GCDH: variants seen among roughly 807,000 people sequenced by gnomAD.
GCDH encodes the protein glutaryl-CoA dehydrogenase, mitochondrial.
In GCDH, 31 loss-of-function variants were observed where a neutral mutation model predicts 52.8. The ratio of observed to expected loss-of-function variants is 0.59; its 90% CI spans 0.44 to 0.79. The LOEUF is 0.79. Among genes scored for constraint, GCDH ranks in the 30% least tolerant of loss-of-function variants. The pLI is 0.00. For synonymous variants in GCDH, 242 were observed against 250.0 expected (o/e 0.97, Z 0.30); for missense variants, 509 against 595.0 (o/e 0.86, Z 1.50).
Position 12,897,817 on chromosome 19 carries a change from C to T in GCDH, c.1197C>T (p.His399=), listed in dbSNP as rs139344943. The change falls in exon 11 of 12, where the codon CAC becomes CAT. Residue 399 remains histidine (H), a synonymous_variant. Coordinates refer to ENST00000222214, the MANE Select transcript of GCDH (RefSeq NM_000159.4). The part of the protein sequence containing the change: ...LGGNGISDEY[H]VIRHAMNLEA... ...GGAATGGGATTTCTGACGAGTATCA[C>T]GTGATCCGGCACGCCATGAACCTGG... The T allele has an allele frequency of 2.3e-4, 379 of 1,613,964 alleles. 3 individuals are homozygous for T. The African/African-American group carries it at 3.9e-3, about 16-fold the overall frequency.
intron 6 of GCDH, among the ~76,000 whole-genome samples, chr19:12,895,115 C>T (rs1025755608): frequency 1.3e-5 from 2 of 152,094 alleles, no homozygotes; most frequent in Non-Finnish European, 2.9e-5. Flanking sequence ...CTCCTCACAC[C>T]CTTCCAGTTT....
At position 12,893,564 on chromosome 19, in the gene GCDH, C is replaced by T. The variant is rs139851890; in HGVS notation, c.416C>T (p.Ser139Leu). 1.4e-5 allele frequency: 23 copies of T among 1,613,716 alleles called. No individual in the cohort carries two copies. The highest frequency in any genetic ancestry group is 8.9e-5 in the East Asian group (4 of 44,894). ...GAGCGGGTGGACAGTGGCTACAGGT[C>T]GGCGATGAGTGTCCAGTCCTCCCTC... ...ELERVDSGYR[S>L]AMSVQSSLVM... Residue 139 changes from serine to leucine, a missense_variant, in exon 6 of 12, where the codon TCG (serine) becomes TTG (leucine). Ser to Leu is a moderately radical substitution (Grantham distance 145). Coordinates refer to ENST00000222214, the MANE Select transcript of GCDH (RefSeq NM_000159.4).
rs1481629456 is a variant in GCDH at position 12,891,177 on chromosome 19, G to C, written c.-60G>C. ...CCTGCGTCAGTTGCACTGTAGCCTC[G>C]GCAGTGAACCGGGAGGTACTACCAG... On this transcript the variant is annotated 5_prime_UTR_variant, in exon 1 of 12. Transcript: ENST00000222214. 7 of 727,050 alleles carry C rather than the reference G, an allele frequency of 9.6e-6. No individual in the cohort carries two copies. Among genetic ancestry groups the C allele is most frequent in the Admixed American group, 8.2e-5 (4 of 49,006 alleles). The allele number at this position is 727,050 out of a possible 1,614,324, so 45.0% of individuals were successfully genotyped here. A position where few individuals can be genotyped will look rare whatever the true frequency, so the allele number is the denominator to read the frequency against.
rs1364648219 is a variant in GCDH, at chr19:12,899,894, C to G, written c.*353C>G. ...AGTTCACAGTGCGCCCTCCCTCCCT[C>G]CCATCTGGGGGTAGTGCCTTATGCT... On this transcript the variant is annotated 3_prime_UTR_variant, in exon 12 of 12. Transcript: ENST00000222214. 8 of 1,584,074 alleles carry G rather than the reference C, an allele frequency of 5.1e-6. No homozygotes were observed. In the Admixed American group the frequency reaches 1.2e-4, roughly 24 times the overall value.
At chr19:12,898,164 G>A (rs567808909) in intron 11 of GCDH, 1 of 444,736 alleles carries the variant, frequency 2.2e-6, no homozygotes, top group South Asian at 2.1e-5. Flanking sequence ...AGGCAGCCCA[G>A]GGGTGAGGCC....
rs1555751240 is a variant in GCDH, at chr19:12,897,735, G to A, written c.1115G>A (p.Arg372Lys). ...CCCGAGATGGTTTCTCTGCTGAAGA[G>A]GAATAACTGTGGGAAAGCCCTGGAC... ...AAPEMVSLLKRNNCGKALDIA... is the reference protein window; with the variant it reads ...AAPEMVSLLKKNNCGKALDIA... The change falls in exon 11 of 12, where the codon AGG becomes AAG. Residue 372 changes from arginine (R) to lysine (K), a missense_variant. Transcript: ENST00000222214. 4 of 1,614,148 alleles carry A rather than the reference G, an allele frequency of 2.5e-6. No individual in the cohort carries two copies. The highest frequency in any genetic ancestry group is 3.4e-6 in the Non-Finnish European group (4 of 1,180,012).
chr19:12,894,143 A>G, intron 6 of GCDH: 6 of 1,526,488 alleles, frequency 3.9e-6, no homozygotes, highest in Non-Finnish European at 5.4e-6. Context: ...ATGAAGCTGA[A>G]CATCTCCTTC....
At chr19:12,894,515 A>G (rs1326900964) in intron 6 of GCDH, 1 of 691,636 alleles carries the variant, frequency 1.4e-6, no homozygotes, top group Non-Finnish European at 2.7e-6. Context: ...GACTGAGACT[A>G]TGATGCCTCG....
At chr19:12,899,114 G>GGGGTGGGGAGAACTTGCCAA (rs1195682553) in intron 11 of GCDH, 1 of 583,964 alleles carries the variant, frequency 1.7e-6, no homozygotes, top group Non-Finnish European at 3.1e-6. Flanking sequence ...TGTGGGGCTG[G>GGGGTGGGGAGAACTTGCCAA]GGGTGGGGAG....
intron 9 of GCDH, 27 bp downstream of exon 9, chr19:12,897,040 C>A: frequency 6.4e-7 from 1 of 1,567,728 alleles, no homozygotes; most frequent in Non-Finnish European, 8.8e-7. Flanking sequence ...GTGAGATTCT[C>A]TGGGGGTGTG....
At chr19:12,899,315 C>A (rs1417243710) in intron 11 of GCDH, 153 bp from the exon 12 acceptor site, 1 of 1,606,436 alleles carries the variant, frequency 6.2e-7, no homozygotes, top group Non-Finnish European at 8.5e-7. Flanking sequence ...GAGACTGTCA[C>A]TAAGGCGTGA....
chr19:12,891,136 T>G, upstream of GCDH: 2 of 635,728 alleles, frequency 3.1e-6, no homozygotes, highest in South Asian at 3.5e-5. Context: ...CTCCCACTTC[T>G]TGCTGAGGTC....
At chr19:12,899,311 G>A (rs561275591) in intron 11 of GCDH, 157 bp from the exon 12 acceptor site, 2 of 1,592,942 alleles carry the variant, frequency 1.3e-6, no homozygotes. Flanking sequence ...CCTGGAGACT[G>A]TCACTAAGGC....
At chr19:12,895,908 C>T (rs1970663849) in intron 6 of GCDH, 84 bp from the exon 7 acceptor site, 3 of 1,547,240 alleles carry the variant, frequency 1.9e-6, no homozygotes, top group African/African-American at 1.4e-5. Flanking sequence ...GCGTGAGCCA[C>T]TGCACCCCGC....
rs373998176 is a variant in GCDH, at chr19:12,896,261, G to C, written c.692G>C (p.Gly231Ala). The C allele has an allele frequency of 6.9e-5, 111 of 1,612,874 alleles. No individual in the cohort carries two copies. The highest frequency in any genetic ancestry group is 9.4e-5 in the Non-Finnish European group (111 of 1,179,628). The change falls in exon 8 of 12, where the codon GGC becomes GCC. Residue 231 changes from glycine to alanine, a missense_variant. By Grantham distance (60) the Gly-to-Ala change is moderately conservative. Coordinates refer to ENST00000222214, the MANE Select transcript of GCDH (RefSeq NM_000159.4). This position sits in a 1 kb window ranked among gnomAD's most constrained non-coding sequence, Gnocchi z 5.5. ...LFVVWARCED[G>A]CIRGFLLEKG... ...GTAGTGTGGGCTCGGTGTGAAGATG[G>C]CTGCATTCGGGGCTTCCTGCTGGAG...
chr19:12,896,079 A>G lies in GCDH; in HGVS notation c.593A>G (p.Asn198Ser), dbSNP rs1337601379. 2 of 1,613,784 alleles carry G rather than the reference A, an allele frequency of 1.2e-6. No homozygotes were observed. Among genetic ancestry groups the G allele is most frequent in the Non-Finnish European group, 8.5e-7 (1 of 1,179,952 alleles). ...AGCATGGAGACCAGAGCCCACTACA[A>G]CTCATCCAACAAGAGCTACACCCTC... ...PSSMETRAHY[N>S]SSNKSYTLNG... Residue 198 changes from asparagine (N) to serine (S), a missense_variant, in exon 7 of 12, where the codon AAC becomes AGC. Asn to Ser is a conservative substitution (Grantham distance 46). Coordinates refer to ENST00000222214, the MANE Select transcript of GCDH (RefSeq NM_000159.4). The surrounding 1 kb of genome is among the most constrained non-coding windows in gnomAD (Gnocchi z 5.5).
In GCDH at chr19:12,899,493, C is replaced by G. The variant is rs1336423127; in HGVS notation, c.1269C>G (p.Ile423Met). The G allele has an allele frequency of 6.2e-7, 1 of 1,614,182 alleles. No individual in the cohort carries two copies. The highest frequency in any genetic ancestry group is 2.2e-5 in the East Asian group (1 of 44,886). Residue 423 changes from isoleucine to methionine, a missense_variant, in exon 12 of 12, where the codon ATC becomes ATG. Ile to Met is a conservative substitution (Grantham distance 10). Coordinates refer to ENST00000222214, the MANE Select transcript of GCDH (RefSeq NM_000159.4). ...GTACACATGACATTCACGCCCTGAT[C>G]CTTGGGAGAGCTATCACGGGAATCC... Reference protein sequence around the residue: ...YEGTHDIHALILGRAITGIQA... With the variant: ...YEGTHDIHALMLGRAITGIQA...
In GCDH at chr19:12,899,679, A is replaced by AT. The variant is rs773941764; in HGVS notation, c.*139dup. ...AAGTGAGAGACACTGATTTTTAAAT[A>AT]TCAAAATTTCCCTTCTGAAGTCGTT... On this transcript the variant is annotated 3_prime_UTR_variant, in exon 12 of 12. Transcript: ENST00000222214. The AT allele has an allele frequency of 1.2e-5, 19 of 1,612,344 alleles. No individual in the cohort carries two copies. The South Asian group carries it at 2.1e-4, about 18-fold the overall frequency.
At position 12,896,789 on chromosome 19, in the gene GCDH, C is replaced by CA; in HGVS notation, c.853-119dup. ...CCAGGGCCATCTGTGATGTGAACCA[C>CA]AACCTGAGTCCCCCTGCGTGGGGTG... On this transcript the variant is annotated intron_variant, in intron 8 of 11. Transcript: ENST00000222214. This position sits in a 1 kb window ranked among gnomAD's most constrained non-coding sequence, Gnocchi z 5.5. 1.4e-6 allele frequency: 1 copy of CA among 740,092 alleles called. No individual in the cohort carries two copies. Among genetic ancestry groups the CA allele is most frequent in the Non-Finnish European group, 2.4e-6 (1 of 417,194 alleles). The allele number at this position is 740,092 out of a possible 1,614,324, so 45.8% of individuals were successfully genotyped here. A position where few individuals can be genotyped will look rare whatever the true frequency, so the allele number is the denominator to read the frequency against.
Sources: allele counts gnomAD v4.1 joint callset (sites outside exome capture counted in the v4.1 genomes callset), GRCh38; gene constraint gnomAD v4.1.1; non-coding constraint Gnocchi (gnomAD v3.1); transcripts MANE v1.5; gene names NCBI Gene and HGNC (gene_info 2026-07-23, HGNC 2026-07-21).